The following SNX24 variants were observed in gnomAD, a reference collection of about 807,000 sequenced individuals.
SNX24 encodes the protein sorting nexin 24.
SNX24 carries 22 observed loss-of-function variants against 28.7 expected under a neutral mutation model. The ratio of observed to expected loss-of-function variants is 0.77; its 90% CI spans 0.55 to 1.10. The LOEUF is 1.10. SNX24 is among the 50% of genes least tolerant of loss of function. SNX24 has a pLI of 0.00. For missense variants in SNX24, 221 were observed against 201.1 expected, an observed-to-expected ratio of 1.10 and a Z score of -0.60; for synonymous variants, 69 against 71.5, an observed-to-expected ratio of 0.96 and a Z score of 0.18.
chr5:123,001,871 G>T, intron 5 of SNX24, 69 bp from the exon 6 acceptor site: 1 of 1,330,048 alleles, frequency 7.5e-7, no homozygotes. Flanking sequence ...TCCCCTCAAA[G>T]CTAGTTTGTA....
chr5:123,013,220 A>G (rs1453044330), downstream of SNX24, among the ~76,000 whole-genome samples: 1 of 152,204 alleles, frequency 6.6e-6, no homozygotes, highest in African/African-American at 2.4e-5. Context: ...GGGTCCCCCC[A>G]CTGGATTAAG....
intron 2 of SNX24, 108 bp downstream of exon 2, chr5:122,936,925 A>G (rs189701695): frequency 7.3e-6 from 4 of 547,064 alleles, no homozygotes; most frequent in South Asian, 3.9e-5. Flanking sequence ...TTGTGTATGT[A>G]TATACATTTT....
At chr5:122,926,668 T>C (rs904086094) in intron 1 of SNX24, among the ~76,000 whole-genome samples, 5 of 152,368 alleles carry the variant, frequency 3.3e-5, no homozygotes, top group African/African-American at 9.6e-5. Context: ...TTGGGGGTTT[T>C]GTTTGATTCC....
intron 3 of SNX24, among the ~76,000 whole-genome samples, chr5:122,963,175 A>G (rs1001102911): frequency 2.0e-5 from 3 of 152,236 alleles, no homozygotes; most frequent in Admixed American, 2.0e-4. Context: ...CACAAGTTGC[A>G]ATGAGCCGAG....
intron 1 of SNX24, among the ~76,000 whole-genome samples, chr5:122,926,840 G>C (rs77574222): frequency 0.024 from 3,712 of 152,252 alleles, 137 homozygotes; most frequent in African/African-American, 0.071. Flanking sequence ...AATGGGCATC[G>C]GCAGAGGTGA....
intron 1 of SNX24, among the ~76,000 whole-genome samples, chr5:122,860,106 T>C (rs552227162): frequency 1.5e-4 from 23 of 152,302 alleles, no homozygotes; most frequent in African/African-American, 5.5e-4. Context: ...TACAGATTCT[T>C]TACAGATGCA....
intron 3 of SNX24, among the ~76,000 whole-genome samples, chr5:122,978,665 A>C (rs1383919696): frequency 6.6e-6 from 1 of 152,174 alleles, no homozygotes; most frequent in Admixed American, 6.6e-5. Flanking sequence ...GCTTGAATCA[A>C]TTGTCAAGAG....
At chr5:122,857,602 T>C (rs1755258875) in intron 1 of SNX24, among the ~76,000 whole-genome samples, 1 of 152,086 alleles carries the variant, frequency 6.6e-6, no homozygotes, top group Non-Finnish European at 1.5e-5. Context: ...GTTGTTCCCC[T>C]CTATGTGTCC....
intron 1 of SNX24, among the ~76,000 whole-genome samples, chr5:122,930,329 G>A (rs577821714): frequency 2.0e-5 from 3 of 152,198 alleles, no homozygotes; most frequent in South Asian, 4.1e-4. Context: ...GAGTTTTCCC[G>A]CAAACTGAGA....
At chr5:122,891,083 T>C in intron 1 of SNX24, 1 of 1,535,190 alleles carries the variant, frequency 6.5e-7, no homozygotes, top group Non-Finnish European at 8.8e-7. Context: ...ATGAAGTTAT[T>C]GTTCTGGAAA....
downstream of SNX24, among the ~76,000 whole-genome samples, chr5:123,013,237 T>C (rs1273553107): frequency 6.6e-6 from 1 of 152,234 alleles, no homozygotes; most frequent in African/African-American, 2.4e-5. Context: ...TAAGGCACTA[T>C]GTTAATTACT....
intron 1 of SNX24, among the ~76,000 whole-genome samples, chr5:122,930,240 C>G (rs975798230): frequency 9.9e-5 from 15 of 151,932 alleles, no homozygotes; most frequent in Non-Finnish European, 2.1e-4. Flanking sequence ...CAGCCTTTTG[C>G]TTTTGATCTA....
chr5:122,938,701 GAGGCCGAGGCGGGC>G (rs1759293476), intron 2 of SNX24, among the ~76,000 whole-genome samples: 1 of 9,956 alleles, frequency 1.0e-4, no homozygotes, highest in African/African-American at 2.0e-3. Context: ...AGCACTTTGG[GAGGCCGAGGCGGGC>G]GGATCACGAG....
At chr5:123,006,375 C>T (rs1431456445) in intron 6 of SNX24, among the ~76,000 whole-genome samples, 2 of 152,158 alleles carry the variant, frequency 1.3e-5, no homozygotes, top group Non-Finnish European at 2.9e-5. Context: ...GTCACTTGGT[C>T]CCGTCCTTCA....
At position 122,909,410 on chromosome 5, in the gene SNX24, G is replaced by GT. The variant is rs570946838; in HGVS notation, c.61-27321dup. ...AGGTGAAAAAACAGATGCTCAAAGA[G>GT]TTTAAAACCTTACCGTAGGTCATGT... On this transcript the variant is annotated intron_variant, in intron 1 of 6. Transcript: ENST00000261369. 1.6e-4 allele frequency among the ~76,000 whole-genome samples: 25 copies of GT among 152,302 alleles called. No individual in the cohort carries two copies. In the East Asian group the frequency reaches 4.8e-3, roughly 29 times the overall value.
At chr5:122,941,998 G>C (rs930921063) in intron 2 of SNX24, among the ~76,000 whole-genome samples, 4 of 152,102 alleles carry the variant, frequency 2.6e-5, no homozygotes, top group Admixed American at 2.0e-4. Context: ...TGTGTGCCTT[G>C]GCTACACCTG....
intron 3 of SNX24, among the ~76,000 whole-genome samples, chr5:122,963,376 T>C (rs1760567057): frequency 6.6e-6 from 1 of 152,222 alleles, no homozygotes; most frequent in African/African-American, 2.4e-5. Flanking sequence ...GAAAGCCAGC[T>C]CAAAGCCCCT....
intron 3 of SNX24, among the ~76,000 whole-genome samples, chr5:122,956,215 C>T (rs1207122628): frequency 6.6e-6 from 1 of 152,060 alleles, no homozygotes; most frequent in African/African-American, 2.4e-5. Context: ...CACAGACGTT[C>T]TATTATATGT....
chr5:122,995,674 A>T (rs1200553483), intron 3 of SNX24, among the ~76,000 whole-genome samples: 1 of 152,114 alleles, frequency 6.6e-6, no homozygotes, highest in Non-Finnish European at 1.5e-5. Flanking sequence ...ATACCTGTAA[A>T]ATTTATTGGG....
Sources: gnomAD v4.1 joint callset for allele counts (sites outside exome capture counted in the v4.1 genomes callset) on GRCh38, gnomAD v4.1.1 for gene constraint, MANE v1.5 for transcripts, NCBI Gene and HGNC (gene_info 2026-07-23, HGNC 2026-07-21) for gene names.